The following MMD2 variants were observed in gnomAD, a reference collection of about 807,000 sequenced individuals.
The protein encoded by MMD2 is monocyte to macrophage differentiation factor 2.
A neutral mutation model predicts 33.5 loss-of-function variants in MMD2; 30 were observed. The observed-to-expected ratio is 0.90, with a 90% CI of 0.67 to 1.22. MMD2 has a LOEUF of 1.22. MMD2 is among the 50% of genes most tolerant of loss of function. The pLI, the probability that MMD2 is intolerant of heterozygous loss-of-function variation, is 0.00. For missense variants in MMD2, 364 were observed against 325.4 expected (o/e 1.12, Z -0.91); for synonymous variants, 129 against 123.0 (o/e 1.05, Z -0.32).
the MMD2 span, among the ~76,000 whole-genome samples, chr7:4,900,507 C>T: frequency 6.6e-6 from 1 of 152,110 alleles, no homozygotes; most frequent in Non-Finnish European, 1.5e-5. Flanking sequence ...TAAACACTCA[C>T]ACCTTGGTTA....
intron 4 of MMD2, among the ~76,000 whole-genome samples, chr7:4,913,708 A>C (rs1785069854): frequency 6.7e-6 from 1 of 148,218 alleles, no homozygotes. Context: ...ACAAGAGCGA[A>C]ACTCTATCTC....
intron 1 of MMD2, among the ~76,000 whole-genome samples, chr7:4,935,023 TA>T: frequency 6.6e-6 from 1 of 152,008 alleles, no homozygotes; most frequent in Admixed American, 6.6e-5. Flanking sequence ...CCATCTCTAC[TA>T]AAAATACAAA....
chr7:4,907,304 G>A lies in MMD2; in HGVS notation c.*92C>T, dbSNP rs954188909. On this transcript the variant is annotated 3_prime_UTR_variant, in exon 7 of 7. Transcript: ENST00000401401. The stretch of plus-strand genomic sequence containing the variant: ...CATCAAGAACTCTACCCAATAAAGG[G>A]AAGACAGGCCTTGGCGCTGTGCTCT... 2 of 1,285,446 alleles carry A rather than the reference G, an allele frequency of 1.6e-6. No homozygotes were observed. Among genetic ancestry groups the A allele is most frequent in the Admixed American group, 1.8e-5 (1 of 56,476 alleles). The allele number at this position is 1,285,446 out of a possible 1,614,324, so 79.6% of individuals were successfully genotyped here.
At position 4,907,216 on chromosome 7, in the gene MMD2, T is replaced by G. The variant is rs551847619; in HGVS notation, c.*180A>C. 2.1e-4 allele frequency: 127 copies of G among 614,300 alleles called. No homozygotes were observed. The highest frequency in any genetic ancestry group is 3.1e-4 in the Non-Finnish European group (108 of 343,358). The allele number at this position is 614,300 out of a possible 1,614,324, so 38.1% of individuals were successfully genotyped here. On this transcript the variant is annotated 3_prime_UTR_variant, in exon 7 of 7. Coordinates refer to ENST00000401401, the MANE Select transcript of MMD2 (RefSeq NM_198403.4). Reference sequence around the variant, plus strand: ...TTTCTCCTCTGTAAGAATGGCTAAATGCTTTCTTTCTCGCTGGGGACTCGA... The same window carrying G: ...TTTCTCCTCTGTAAGAATGGCTAAAGGCTTTCTTTCTCGCTGGGGACTCGA...
chr7:4,898,770 G>A, the MMD2 span, among the ~76,000 whole-genome samples: 13 of 152,112 alleles, frequency 8.5e-5, no homozygotes, highest in African/African-American at 2.4e-4. Flanking sequence ...TCCATGGTAC[G>A]CATCTGTAAT....
At chr7:4,894,126 C>T in the MMD2 span, among the ~76,000 whole-genome samples, 2 of 152,224 alleles carry the variant, frequency 1.3e-5, no homozygotes, top group Admixed American at 6.5e-5. This position sits in a 1 kb window ranked among gnomAD's most constrained non-coding sequence, Gnocchi z 4.3. Context: ...CTGGTTCAAA[C>T]GCCTCTGACC....
chr7:4,948,934 C>T (rs1786164486), intron 1 of MMD2, among the ~76,000 whole-genome samples: 1 of 152,144 alleles, frequency 6.6e-6, no homozygotes, highest in Admixed American at 6.6e-5. Flanking sequence ...ACCTTGGCCT[C>T]CAGAGCAGCT....
intron 1 of MMD2, among the ~76,000 whole-genome samples, chr7:4,928,814 G>A (rs1457221595): frequency 2.7e-5 from 4 of 149,476 alleles, no homozygotes; most frequent in Admixed American, 1.3e-4. Flanking sequence ...TGTTGGCTCC[G>A]TGCTAAGTAT....
chr7:4,925,370 C>G (rs976058430), intron 2 of MMD2, 81 bp downstream of exon 2: 3 of 1,160,072 alleles, frequency 2.6e-6, no homozygotes, highest in African/African-American at 1.6e-5. Context: ...TTAGGACATA[C>G]GTGAAGGAGG....
intron 1 of MMD2, among the ~76,000 whole-genome samples, chr7:4,949,064 G>T (rs915842947): frequency 2.0e-5 from 3 of 151,976 alleles, no homozygotes; most frequent in African/African-American, 7.3e-5. Flanking sequence ...AGAAAAATTA[G>T]CTGGGCGCAG....
chr7:4,929,121 G>A (rs1172057964), intron 1 of MMD2, among the ~76,000 whole-genome samples: 1 of 152,174 alleles, frequency 6.6e-6, no homozygotes, highest in African/African-American at 2.4e-5. Context: ...CTTGGCGCCT[G>A]GGTGAGTCCA....
At chr7:4,913,874 G>A (rs1166184120) in intron 4 of MMD2, among the ~76,000 whole-genome samples, 1 of 152,028 alleles carries the variant, frequency 6.6e-6, no homozygotes, top group Admixed American at 6.6e-5. Context: ...TGTTAGCCAG[G>A]ATGGTCTCGA....
Position 4,907,352 on chromosome 7 carries a change from G to C in MMD2, c.*44C>G, listed in dbSNP as rs59635549. The C allele has an allele frequency of 0.055, 87,621 of 1,588,384 alleles. 3,489 individuals are homozygous for C. Among genetic ancestry groups the C allele is most frequent in the East Asian group, 0.22 (10,039 of 44,698 alleles). On this transcript the variant is annotated 3_prime_UTR_variant, in exon 7 of 7. Coordinates refer to ENST00000401401, the MANE Select transcript of MMD2 (RefSeq NM_198403.4). ...TCTGGGTTAACGTTCACAGAAACGT[G>C]CTCCACTCCTAAAGCCCAAACGACC...
intron 2 of MMD2, among the ~76,000 whole-genome samples, chr7:4,922,428 G>A (rs1423353845): frequency 6.6e-6 from 1 of 151,932 alleles, no homozygotes; most frequent in East Asian, 1.9e-4. Flanking sequence ...AAATTAGCCA[G>A]GCGTGGTGGC....
At chr7:4,909,190 T>C (rs1221393759) in intron 6 of MMD2, among the ~76,000 whole-genome samples, 1 of 151,958 alleles carries the variant, frequency 6.6e-6, no homozygotes, top group Non-Finnish European at 1.5e-5. Flanking sequence ...GAGTTGTTCT[T>C]AGTGAAAGAA....
rs1785880342 is a variant in MMD2, at chr7:4,940,562, C to T, written c.48-15030G>A. On this transcript the variant is annotated intron_variant, in intron 1 of 6. Coordinates refer to ENST00000401401, the MANE Select transcript of MMD2 (RefSeq NM_198403.4). The surrounding 1 kb of genome is among the most constrained non-coding windows in gnomAD (Gnocchi z 5.0). ...GCCCCGGCCGTGCTAAGCCTCTCTC[C>T]CCCTCTCCGCTTGGCCCTGGCCGCT... Among the ~76,000 whole-genome samples the T allele has an allele frequency of 6.6e-6, 1 of 152,242 alleles. No homozygotes were observed. Among genetic ancestry groups the T allele is most frequent in the Admixed American group, 6.5e-5 (1 of 15,288 alleles).
At chr7:4,918,780 G>A (rs796341139) in intron 3 of MMD2, among the ~76,000 whole-genome samples, 1 of 151,640 alleles carries the variant, frequency 6.6e-6, no homozygotes, top group East Asian at 1.9e-4. Context: ...GAGACACCTT[G>A]CCTGGCCTGT....
At chr7:4,910,929 C>T (rs1784990613) in intron 5 of MMD2, among the ~76,000 whole-genome samples, 1 of 152,180 alleles carries the variant, frequency 6.6e-6, no homozygotes, top group Non-Finnish European at 1.5e-5. Flanking sequence ...TGTGAGCCAC[C>T]ATGCCTGGCC....
At position 4,940,740 on chromosome 7, in the gene MMD2, A is replaced by G. The variant is rs1785884817; in HGVS notation, c.48-15208T>C. 6.6e-6 allele frequency among the ~76,000 whole-genome samples: 1 copy of G among 152,136 alleles called. No individual in the cohort carries two copies. Among genetic ancestry groups the G allele is most frequent in the South Asian group, 2.1e-4 (1 of 4,828 alleles). ...ACAGTGATGGGAACAGGAAGGGGAA[A>G]CTGAGCAAGGGGTGGAAGGGGCCCG... On this transcript the variant is annotated intron_variant, in intron 1 of 6. Coordinates refer to ENST00000401401, the MANE Select transcript of MMD2 (RefSeq NM_198403.4). The surrounding 1 kb of genome is among the most constrained non-coding windows in gnomAD (Gnocchi z 5.0).
Sources: gnomAD v4.1 joint callset for allele counts (sites outside exome capture counted in the v4.1 genomes callset) on GRCh38, gnomAD v4.1.1 for gene constraint, Gnocchi (gnomAD v3.1) non-coding constraint, MANE v1.5 for transcripts, NCBI Gene and HGNC (gene_info 2026-07-23, HGNC 2026-07-21) for gene names.